The following MORC3 variants were observed in gnomAD, a reference collection of about 807,000 sequenced individuals.
The protein encoded by MORC3 is MORC family CW-type zinc finger 3, also known as MORC family CW-type zinc finger protein 3.
A neutral mutation model predicts 109.1 loss-of-function variants in MORC3; 31 were observed. The ratio of observed to expected loss-of-function variants is 0.28; its 90% CI spans 0.21 to 0.38. The LOEUF is 0.38. Ranked by LOEUF, MORC3 falls within the 10% of genes least tolerant of loss-of-function variation. The pLI is 1.00. For synonymous variants in MORC3, 395 were observed against 380.7 expected, an observed-to-expected ratio of 1.04 and a Z score of -0.44; for missense variants, 867 against 1,135.8, an observed-to-expected ratio of 0.76 and a Z score of 3.40.
chr21:36,364,584 G>GGAGGCT (rs200196637), intron 14 of MORC3, among the ~76,000 whole-genome samples: 2,945 of 151,694 alleles, frequency 0.019, 139 homozygotes, highest in East Asian at 0.11. Flanking sequence ...CTCCAGAGGC[G>GGAGGCT]GAGGCTGAGG....
chr21:36,352,493 A>AT (rs989376451), intron 9 of MORC3, among the ~76,000 whole-genome samples: 4 of 151,920 alleles, frequency 2.6e-5, no homozygotes, highest in African/African-American at 9.7e-5. Flanking sequence ...TTTGGTTTGG[A>AT]TTTTTTTGTA....
chr21:36,341,048 G>C (rs570927969), intron 5 of MORC3, among the ~76,000 whole-genome samples: 27 of 152,296 alleles, frequency 1.8e-4, no homozygotes, highest in Admixed American at 5.2e-4. Context: ...AAATAAAGCT[G>C]TAAACATTTG....
chr21:36,327,523 G>A (rs1389299821), intron 1 of MORC3, among the ~76,000 whole-genome samples: 2 of 151,306 alleles, frequency 1.3e-5, no homozygotes, highest in Non-Finnish European at 2.9e-5. Flanking sequence ...GAACTGAACA[G>A]AGGAGGCTGG....
At chr21:36,324,512 C>T (rs993108143) in intron 1 of MORC3, among the ~76,000 whole-genome samples, 8 of 148,840 alleles carry the variant, frequency 5.4e-5, no homozygotes, top group Non-Finnish European at 1.2e-4. Context: ...CTCCTGACCT[C>T]GTGATCTGCC....
intron 10 of MORC3, among the ~76,000 whole-genome samples, chr21:36,359,556 C>CT (rs5843757): frequency 0.013 from 1,266 of 93,918 alleles, 16 homozygotes; most frequent in Non-Finnish European, 0.019. Context: ...CTTTCCTCTC[C>CT]TTTTTTTTTT....
At chr21:36,333,782 TTGTTTTG>T in intron 2 of MORC3, 64 bp downstream of exon 2, 45 of 1,349,610 alleles carry the variant, frequency 3.3e-5, no homozygotes, top group Admixed American at 1.3e-4. Flanking sequence ...TTTTTTTGTT[TTGTTTTG>T]TTTTTTTTTT....
rs1479813546 is a variant in MORC3 at position 36,369,582 on chromosome 21, T to A, written c.2214T>A (p.Tyr738Ter). The change falls in exon 15 of 17, where the codon TAT becomes TAA. Residue 738 changes from tyrosine to a stop codon, truncating the protein, a stop_gained. Coordinates refer to ENST00000400485, the MANE Select transcript of MORC3 (RefSeq NM_015358.3). LOFTEE classifies it high-confidence loss of function. ...QQRILEMNDK[Y>*]VKKETCHQST... ...GGATACTAGAAATGAATGACAAGTA[T>A]GTTAAGAAAGAAACTTGCCATCAGT... is the stretch of plus-strand genomic sequence containing the variant. 1 of 1,614,122 alleles carries A rather than the reference T, an allele frequency of 6.2e-7. No individual in the cohort carries two copies. Among genetic ancestry groups the A allele is most frequent in the Non-Finnish European group, 8.5e-7 (1 of 1,180,050 alleles).
intron 15 of MORC3, 69 bp from the exon 16 acceptor site, chr21:36,372,305 T>C: frequency 7.2e-7 from 1 of 1,389,142 alleles, no homozygotes; most frequent in South Asian, 1.6e-5. Flanking sequence ...CTATATTAGC[T>C]TGAAATTTCA....
At chr21:36,362,101 T>G (rs2085723736) in intron 12 of MORC3, 82 bp from the exon 13 acceptor site, 1 of 1,390,788 alleles carries the variant, frequency 7.2e-7, no homozygotes, top group East Asian at 2.3e-5. Flanking sequence ...TCAGAGTACC[T>G]TAGTAACTGC....
chr21:36,367,870 AT>A (rs1410010939), intron 14 of MORC3, among the ~76,000 whole-genome samples: 1 of 152,210 alleles, frequency 6.6e-6, no homozygotes, highest in African/African-American at 2.4e-5. Context: ...TGAGAAAATA[AT>A]TTTTCAACCC....
At chr21:36,363,686 C>G (rs1254997003) in intron 13 of MORC3, among the ~76,000 whole-genome samples, 4 of 152,180 alleles carry the variant, frequency 2.6e-5, no homozygotes, top group African/African-American at 4.8e-5. Flanking sequence ...TTTGCACCAT[C>G]ATAAAGTTGA....
At chr21:36,365,018 C>T (rs1421166706) in intron 14 of MORC3, among the ~76,000 whole-genome samples, 1 of 145,488 alleles carries the variant, frequency 6.9e-6, no homozygotes, top group Admixed American at 7.2e-5. Context: ...CGCCACTGCA[C>T]TCCAGCCTGG....
chr21:36,344,192 A>T (rs2085482918), intron 6 of MORC3, among the ~76,000 whole-genome samples: 1 of 151,210 alleles, frequency 6.6e-6, no homozygotes, highest in South Asian at 2.1e-4. Flanking sequence ...CAGTGGTGTG[A>T]TCTCGGCTCA....
At chr21:36,370,835 AT>A in intron 15 of MORC3, among the ~76,000 whole-genome samples, 1 of 151,242 alleles carries the variant, frequency 6.6e-6, no homozygotes. Flanking sequence ...TGCCCGGCTA[AT>A]TTTTGTCTTT....
chr21:36,332,362 G>A (rs1214357777), intron 1 of MORC3, among the ~76,000 whole-genome samples: 1 of 152,160 alleles, frequency 6.6e-6, no homozygotes, highest in Non-Finnish European at 1.5e-5. Context: ...CTTGAACCCA[G>A]GAGGCGGAGG....
At chr21:36,322,012 T>C (rs2085199780) in intron 1 of MORC3, among the ~76,000 whole-genome samples, 1 of 152,194 alleles carries the variant, frequency 6.6e-6, no homozygotes, top group Non-Finnish European at 1.5e-5. Context: ...GGAACCTGAC[T>C]GACAGAAATC....
chr21:36,340,882 A>T (rs1485214400), intron 5 of MORC3, among the ~76,000 whole-genome samples: 2 of 152,028 alleles, frequency 1.3e-5, no homozygotes, highest in Non-Finnish European at 2.9e-5. Context: ...GGTGATCCAC[A>T]TGCCTCAGCC....
At chr21:36,329,976 C>T (rs562922497) in intron 1 of MORC3, among the ~76,000 whole-genome samples, 47 of 152,212 alleles carry the variant, frequency 3.1e-4, no homozygotes, top group Middle Eastern at 3.4e-3. Flanking sequence ...AACTCTCCTG[C>T]CTCAACCTCC....
intron 14 of MORC3, among the ~76,000 whole-genome samples, chr21:36,365,668 G>A (rs1000575081): frequency 2.0e-5 from 3 of 152,122 alleles, no homozygotes; most frequent in African/African-American, 7.2e-5. Flanking sequence ...TGCAACCTCC[G>A]ACTCCTGGTT....
Sources: gnomAD v4.1 joint callset for allele counts (sites outside exome capture counted in the v4.1 genomes callset) on GRCh38, gnomAD v4.1.1 for gene constraint, MANE v1.5 for transcripts, NCBI Gene and HGNC (gene_info 2026-07-23, HGNC 2026-07-21) for gene names.